LY75: variants seen among roughly 807,000 people sequenced by gnomAD.
The protein encoded by LY75 is lymphocyte antigen 75, also known as C-type lectin domain family 13 member B.
A neutral mutation model predicts 231.7 loss-of-function variants in LY75; 185 were observed. The observed-to-expected ratio is 0.80, with a 90% CI of 0.71 to 0.90. LY75 has a LOEUF of 0.90. LY75 is among the 40% of genes least tolerant of loss of function. LY75 has a pLI of 0.00. For missense variants in LY75, 1,947 were observed against 2,050.2 expected (o/e 0.95, Z 0.97); for synonymous variants, 668 against 689.0 (o/e 0.97, Z 0.48).
At chr2:159,872,076 T>C (rs913075062) in intron 13 of LY75, 15 of 162,402 alleles carry the variant, frequency 9.2e-5, no homozygotes, top group African/African-American at 3.4e-4. Flanking sequence ...TCTTGCCTTT[T>C]GAAATAATAC....
chr2:159,835,542 C>T lies in LY75; in HGVS notation c.3611G>A (p.Gly1204Glu). 6.2e-7 allele frequency: 1 copy of T among 1,613,134 alleles called. No individual in the cohort carries two copies. The highest frequency in any genetic ancestry group is 8.5e-7 in the Non-Finnish European group (1 of 1,179,638). The change falls in exon 26 of 35, where the codon GGA becomes GAA. Residue 1204 changes from glycine to glutamate, a missense_variant. By Grantham distance (98) the Gly-to-Glu change is moderately conservative. Transcript: ENST00000263636. ...ATTGCAATCAACTGTTTTCCAGAAT[C>T]CATCAGTGTCTAATACTACACAGTC... ...LEDCVVLDTD[G>E]FWKTVDCNDN... is the part of the protein sequence containing the mutation.
chr2:159,876,476 T>A (rs1419884847), intron 11 of LY75, among the ~76,000 whole-genome samples: 4 of 151,970 alleles, frequency 2.6e-5, no homozygotes, highest in African/African-American at 9.7e-5. Context: ...CTGGGAAAAA[T>A]AATTGCCTTG....
At chr2:159,822,557 A>G (rs1683329485) in intron 28 of LY75, among the ~76,000 whole-genome samples, 1 of 152,170 alleles carries the variant, frequency 6.6e-6, no homozygotes, top group Non-Finnish European at 1.5e-5. Context: ...GCAGAGTTAA[A>G]CATCCCTGCC....
intron 6 of LY75, among the ~76,000 whole-genome samples, chr2:159,883,115 G>A (rs1685483994): frequency 7.2e-6 from 1 of 139,278 alleles, no homozygotes; most frequent in Non-Finnish European, 1.6e-5. Context: ...AGCATCTCTG[G>A]GGACTGTTGT....
chr2:159,819,615 C>G (rs1343980569), intron 29 of LY75, 111 bp downstream of exon 29: 2 of 1,332,158 alleles, frequency 1.5e-6, no homozygotes, highest in African/African-American at 2.9e-5. Context: ...ACACCTCGCA[C>G]AGGACTGAAT....
intron 6 of LY75, 36 bp from the exon 7 acceptor site, chr2:159,882,351 A>G (rs1281989349): frequency 1.3e-6 from 2 of 1,599,460 alleles, no homozygotes; most frequent in Non-Finnish European, 1.7e-6. Context: ...TCCAGTAAAG[A>G]TACATCTATT....
At chr2:159,878,808 G>A (rs950724903) in intron 9 of LY75, 87 bp from the exon 10 acceptor site, 61 of 1,417,108 alleles carry the variant, frequency 4.3e-5, no homozygotes, top group South Asian at 2.1e-4. Context: ...CATTGATAAC[G>A]TCTTAGAACT....
At chr2:159,813,270 C>T (rs997504014) in intron 31 of LY75, among the ~76,000 whole-genome samples, 1 of 151,772 alleles carries the variant, frequency 6.6e-6, no homozygotes, top group African/African-American at 2.4e-5. Context: ...ATATTCCTAC[C>T]AGCAGTGCAT....
intron 25 of LY75, among the ~76,000 whole-genome samples, 195 bp from the exon 26 acceptor site, chr2:159,835,840 A>C (rs984422839): frequency 1.3e-5 from 2 of 152,180 alleles, no homozygotes; most frequent in Non-Finnish European, 2.9e-5. Context: ...TAACAACCAT[A>C]TAGGAGAGGT....
At chr2:159,821,619 CAAA>C (rs1184847871) in intron 28 of LY75, among the ~76,000 whole-genome samples, 1 of 35,938 alleles carries the variant, frequency 2.8e-5, no homozygotes, top group Non-Finnish European at 5.7e-5. Flanking sequence ...AAGTCTGTCT[CAAA>C]AAAAAAAAAA....
At chr2:159,813,352 T>A (rs1683023510) in intron 31 of LY75, among the ~76,000 whole-genome samples, 1 of 149,158 alleles carries the variant, frequency 6.7e-6, no homozygotes, top group Non-Finnish European at 1.5e-5. Context: ...TTTTTGAAGA[T>A]CCAGTTTTTA....
intron 18 of LY75, among the ~76,000 whole-genome samples, chr2:159,853,983 A>T (rs140401731): frequency 1.6e-4 from 25 of 152,334 alleles, no homozygotes; most frequent in African/African-American, 6.0e-4. Context: ...ATTGCAATTG[A>T]TTATAAATTT....
chr2:159,848,113 C>CACACACACACACACACACACACACA (rs1188769706), intron 23 of LY75, among the ~76,000 whole-genome samples: 4 of 140,988 alleles, frequency 2.8e-5, no homozygotes, highest in East Asian at 2.2e-4. Flanking sequence ...CATACACACA[C>CACACACACACACACACACACACACA]CATATATACG....
chr2:159,839,132 G>C (rs1388783353), intron 25 of LY75, among the ~76,000 whole-genome samples: 1 of 152,116 alleles, frequency 6.6e-6, no homozygotes, highest in African/African-American at 2.4e-5. Context: ...GTGGCTCAGA[G>C]AGACTATTCT....
At chr2:159,868,077 G>T (rs1351857086) in intron 13 of LY75, among the ~76,000 whole-genome samples, 1 of 152,096 alleles carries the variant, frequency 6.6e-6, no homozygotes, top group Non-Finnish European at 1.5e-5. Flanking sequence ...ATATAAATGG[G>T]TTTGCTTCCT....
Position 159,834,041 on chromosome 2 carries a change from T to C in LY75, c.3841+3A>G, listed in dbSNP as rs773195125. ...CATGAGAATGGACTAATATAATACT[T>C]ACTCAGTTTCTGGCATTTAGTATGA... On this transcript the variant is annotated splice_donor_region_variant and intron_variant, in intron 27 of 34. Coordinates refer to ENST00000263636, the MANE Select transcript of LY75 (RefSeq NM_002349.4). The C allele has an allele frequency of 1.2e-6, 2 of 1,613,058 alleles. No homozygotes were observed. The highest frequency in any genetic ancestry group is 1.7e-6 in the Non-Finnish European group (2 of 1,179,650).
intron 33 of LY75, 119 bp downstream of exon 33, chr2:159,808,330 T>C: frequency 2.6e-6 from 4 of 1,546,014 alleles, no homozygotes; most frequent in Non-Finnish European, 3.5e-6. Context: ...ACCTAGCTTA[T>C]TTATCCAGAA....
intron 27 of LY75, 150 bp downstream of exon 27, chr2:159,833,894 T>A: frequency 2.5e-6 from 2 of 807,196 alleles, no homozygotes; most frequent in South Asian, 3.9e-5. Context: ...TGTAAACATG[T>A]CTTTGCTTCT....
Position 159,819,753 on chromosome 2 carries a change from T to C in LY75, c.4126A>G (p.Ser1376Gly), listed in dbSNP as rs773960124. The C allele has an allele frequency of 1.2e-6, 2 of 1,612,910 alleles. No homozygotes were observed. Among genetic ancestry groups the C allele is most frequent in the South Asian group, 2.2e-5 (2 of 90,828 alleles). ...IEEAVYFHQH[S>G]ILACKIEMVD... ...ATTTCAATTTTACAAGCAAGAATGCTGTGCTGGTGAAAATAAACTGCTTCT... is the reference window on the plus strand; with the variant it reads ...ATTTCAATTTTACAAGCAAGAATGCCGTGCTGGTGAAAATAAACTGCTTCT... Residue 1376 changes from serine (S) to glycine (G), a missense_variant, in exon 29 of 35, where the codon AGC becomes GGC. Coordinates refer to ENST00000263636, the MANE Select transcript of LY75 (RefSeq NM_002349.4).
Sources: allele counts gnomAD v4.1 joint callset (sites outside exome capture counted in the v4.1 genomes callset), GRCh38; gene constraint gnomAD v4.1.1; transcripts MANE v1.5; gene names NCBI Gene and HGNC (gene_info 2026-07-23, HGNC 2026-07-21).